PITPNC1: variants seen among roughly 807,000 people sequenced by gnomAD.
PITPNC1 encodes cytoplasmic phosphatidylinositol transfer protein 1.
In PITPNC1, 18 loss-of-function variants were observed where a neutral mutation model predicts 44.7. That is an observed-to-expected ratio of 0.40 (90% CI 0.28 to 0.60). The LOEUF is 0.60. Ranked by LOEUF, PITPNC1 falls within the 20% of genes least tolerant of loss-of-function variation. PITPNC1 has a pLI of 0.39. For synonymous variants in PITPNC1, 141 were observed against 149.6 expected, an observed-to-expected ratio of 0.94 and a Z score of 0.42; for missense variants, 290 against 418.4, an observed-to-expected ratio of 0.69 and a Z score of 2.68.
At chr17:67,570,561 G>A (rs1041437961) in intron 4 of PITPNC1, among the ~76,000 whole-genome samples, 1 of 152,160 alleles carries the variant, frequency 6.6e-6, no homozygotes, top group Non-Finnish European at 1.5e-5. Context: ...CAATGGAGTG[G>A]ACCAACATCT....
chr17:67,470,397 A>AC (rs1167528861), intron 1 of PITPNC1, among the ~76,000 whole-genome samples: 4 of 151,592 alleles, frequency 2.6e-5, no homozygotes, highest in Admixed American at 6.6e-5. Flanking sequence ...ACTTCTCTCT[A>AC]CCCCCCACAT....
intron 6 of PITPNC1, among the ~76,000 whole-genome samples, chr17:67,658,909 C>A (rs11653663): frequency 0.089 from 13,604 of 152,140 alleles, 618 homozygotes; most frequent in Middle Eastern, 0.17. Context: ...TAGTTGTTTA[C>A]GTGCAACTAT....
intron 1 of PITPNC1, among the ~76,000 whole-genome samples, chr17:67,467,054 A>ATTTTTT (rs10623552): frequency 2.0e-4 from 19 of 95,350 alleles, no homozygotes; most frequent in Middle Eastern, 7.7e-3. Context: ...CAGTTAGGAG[A>ATTTTTT]TTTTTTTTTT....
At chr17:67,661,868 C>T (rs1027516538) in intron 6 of PITPNC1, among the ~76,000 whole-genome samples, 6 of 151,846 alleles carry the variant, frequency 4.0e-5, no homozygotes, top group African/African-American at 1.5e-4. Flanking sequence ...TGGTGGCACG[C>T]ACCTGTCATC....
chr17:67,579,673 T>G (rs1431492042), intron 5 of PITPNC1, among the ~76,000 whole-genome samples: 1 of 138,354 alleles, frequency 7.2e-6, no homozygotes, highest in East Asian at 2.2e-4. Context: ...GCGCGGTAGC[T>G]CACGCCTGTA....
At chr17:67,410,059 T>A (rs1181388463) in intron 1 of PITPNC1, among the ~76,000 whole-genome samples, 2 of 152,222 alleles carry the variant, frequency 1.3e-5, no homozygotes, top group Admixed American at 6.5e-5. Context: ...GCGATTGTCA[T>A]ACTTATGCTT....
At chr17:67,445,956 G>GT (rs1027820965) in intron 1 of PITPNC1, among the ~76,000 whole-genome samples, 20 of 151,064 alleles carry the variant, frequency 1.3e-4, no homozygotes, top group East Asian at 9.7e-4. Flanking sequence ...ATTTTTTTTG[G>GT]TTTTTTTTGA....
Position 67,508,987 on chromosome 17 carries a change from A to C in PITPNC1, c.49-23815A>C, listed in dbSNP as rs1321768242. Among the ~76,000 whole-genome samples the C allele has an allele frequency of 1.3e-5, 2 of 151,890 alleles. No individual in the cohort carries two copies. The highest frequency in any genetic ancestry group is 4.8e-5 in the African/African-American group (2 of 41,356). On this transcript the variant is annotated intron_variant, in intron 1 of 8. Coordinates refer to ENST00000581322, the MANE Select transcript of PITPNC1 (RefSeq NM_012417.4). This position sits in a 1 kb window ranked among gnomAD's most constrained non-coding sequence, Gnocchi z 4.2. ...GGTGGCTCACGTCTGTAATCCCAGCACTTTGGGAGGCCAAGGCGGGTGGAT... is the reference window on the plus strand; with the variant it reads ...GGTGGCTCACGTCTGTAATCCCAGCCCTTTGGGAGGCCAAGGCGGGTGGAT...
At chr17:67,509,261 G>A (rs182441761) in intron 1 of PITPNC1, among the ~76,000 whole-genome samples, 6 of 151,128 alleles carry the variant, frequency 4.0e-5, no homozygotes, top group East Asian at 2.0e-4. Context: ...AAAATAGGCC[G>A]GGCGTGGTGG....
At chr17:67,407,590 GT>G (rs1352018728) in intron 1 of PITPNC1, among the ~76,000 whole-genome samples, 2 of 152,024 alleles carry the variant, frequency 1.3e-5, no homozygotes, top group African/African-American at 4.8e-5. Context: ...ATCACCTGAG[GT>G]CAGGAGTTTG....
chr17:67,562,251 C>G (rs1380139007), intron 4 of PITPNC1, among the ~76,000 whole-genome samples: 1 of 152,168 alleles, frequency 6.6e-6, no homozygotes, highest in Non-Finnish European at 1.5e-5. Context: ...TGAACAGAAG[C>G]CTCTGTGTAG....
intron 5 of PITPNC1, among the ~76,000 whole-genome samples, chr17:67,609,877 A>G (rs2041664965): frequency 6.6e-6 from 1 of 151,746 alleles, no homozygotes; most frequent in African/African-American, 2.4e-5. Flanking sequence ...CCTCTTAAAT[A>G]TTACATCCAT....
At chr17:67,679,351 T>C (rs998615099) in intron 8 of PITPNC1, among the ~76,000 whole-genome samples, 6 of 152,234 alleles carry the variant, frequency 3.9e-5, no homozygotes, top group Admixed American at 2.6e-4. Flanking sequence ...AGCTTCCCTT[T>C]AGACAGATGA....
At chr17:67,626,333 A>G (rs1297630126) in intron 5 of PITPNC1, among the ~76,000 whole-genome samples, 1 of 152,160 alleles carries the variant, frequency 6.6e-6, no homozygotes, top group African/African-American at 2.4e-5. Flanking sequence ...CCCAAAGAAC[A>G]TGCAGGAATT....
At chr17:67,381,460 T>TTC (rs995860346) in intron 1 of PITPNC1, among the ~76,000 whole-genome samples, 2 of 150,096 alleles carry the variant, frequency 1.3e-5, no homozygotes, top group African/African-American at 4.9e-5. Context: ...TGGAACTTGT[T>TTC]TCTCTCTCTT....
intron 5 of PITPNC1, among the ~76,000 whole-genome samples, chr17:67,600,335 C>A (rs1160146819): frequency 2.6e-5 from 4 of 152,060 alleles, no homozygotes; most frequent in Non-Finnish European, 5.9e-5. Flanking sequence ...ATGAAGACAG[C>A]CAAGGTATCA....
At chr17:67,416,373 G>A (rs762341158) in intron 1 of PITPNC1, among the ~76,000 whole-genome samples, 1 of 151,474 alleles carries the variant, frequency 6.6e-6, no homozygotes, top group Non-Finnish European at 1.5e-5. Context: ...CAGCCACCAC[G>A]CTTGGCTAAT....
chr17:67,446,149 G>A (rs1384893851), intron 1 of PITPNC1, among the ~76,000 whole-genome samples: 1 of 151,810 alleles, frequency 6.6e-6, no homozygotes, highest in Non-Finnish European at 1.5e-5. Flanking sequence ...GTTTCACCAT[G>A]TTGGCCAGGA....
intron 4 of PITPNC1, among the ~76,000 whole-genome samples, chr17:67,573,127 A>G (rs765494304): frequency 1.4e-4 from 21 of 152,244 alleles, no homozygotes; most frequent in Non-Finnish European, 2.6e-4. Context: ...CAGTACAGTC[A>G]GGGAGAACAT....
Sources: gnomAD v4.1 joint callset for allele counts (sites outside exome capture counted in the v4.1 genomes callset) on GRCh38, gnomAD v4.1.1 for gene constraint, Gnocchi (gnomAD v3.1) non-coding constraint, MANE v1.5 for transcripts, NCBI Gene and HGNC (gene_info 2026-07-23, HGNC 2026-07-21) for gene names.